The following CHRM2 variants were observed in gnomAD, a reference collection of about 807,000 sequenced individuals.
The protein encoded by CHRM2 is cholinergic receptor muscarinic 2, also known as muscarinic acetylcholine receptor M2.
CHRM2 carries 8 observed loss-of-function variants against 25.0 expected under a neutral mutation model. The observed-to-expected ratio is 0.32, with a 90% CI of 0.19 to 0.58. The LOEUF (loss-of-function observed/expected upper bound fraction) is 0.58. CHRM2 is among the 20% of genes least tolerant of loss of function. The probability of loss-of-function intolerance (pLI) is 0.88; values close to 1 mark genes in which losing one functional copy is unlikely to be tolerated. For missense variants in CHRM2, 440 were observed against 567.1 expected (o/e 0.78, Z 2.28); for synonymous variants, 202 against 205.7 (o/e 0.98, Z 0.15).
At chr7:137,007,722 G>A (rs2131096028) in intron 3 of CHRM2, among the ~76,000 whole-genome samples, 1 of 152,180 alleles carries the variant, frequency 6.6e-6, no homozygotes, top group African/African-American at 2.4e-5. Flanking sequence ...CCATCTGTAA[G>A]CAAAATTTAA....
At chr7:136,931,539 C>T (rs1799106106) in intron 2 of CHRM2, among the ~76,000 whole-genome samples, 2 of 152,178 alleles carry the variant, frequency 1.3e-5, no homozygotes, top group African/African-American at 4.8e-5. Context: ...CAGTTGACTG[C>T]AGATCACACA....
At chr7:136,967,221 T>C (rs565398506) in intron 2 of CHRM2, among the ~76,000 whole-genome samples, 104 of 152,118 alleles carry the variant, frequency 6.8e-4, no homozygotes, top group African/African-American at 2.4e-3. Flanking sequence ...TCAAACCTGA[T>C]TGAGCAATTT....
rs142083436 is a variant in CHRM2 at position 136,934,660 on chromosome 7, A to G, written c.-124-57527A>G. 1.3e-3 allele frequency among the ~76,000 whole-genome samples: 199 copies of G among 152,254 alleles called. 1 individual carries two copies. Among genetic ancestry groups the G allele is most frequent in the African/African-American group, 4.4e-3 (185 of 41,584 alleles). ...TTCTACCATTTTCCCAAAGCCCCCA[A>G]AAAAGATATTGGAAGGATAGGGTTT... On this transcript the variant is annotated intron_variant, in intron 2 of 3. Transcript: ENST00000680005.
chr7:136,922,099 T>A (rs1798479702), intron 2 of CHRM2, among the ~76,000 whole-genome samples: 1 of 152,154 alleles, frequency 6.6e-6, no homozygotes, highest in Admixed American at 6.5e-5. Flanking sequence ...TGCAAAGTCA[T>A]GCTCTCCAGC....
intron 2 of CHRM2, among the ~76,000 whole-genome samples, chr7:136,884,804 G>A (rs948897349): frequency 3.3e-5 from 5 of 152,072 alleles, no homozygotes; most frequent in Admixed American, 2.6e-4. Context: ...TCTCTTTAGG[G>A]GCTACTCAGT....
chr7:136,960,901 AG>A (rs1801030989), intron 2 of CHRM2, among the ~76,000 whole-genome samples: 1 of 152,174 alleles, frequency 6.6e-6, no homozygotes, highest in Non-Finnish European at 1.5e-5. Flanking sequence ...TGAGGTGGGC[AG>A]ACCACTTGAG....
intron 3 of CHRM2, among the ~76,000 whole-genome samples, chr7:137,008,348 G>A (rs527929412): frequency 2.6e-5 from 4 of 151,884 alleles, no homozygotes; most frequent in Non-Finnish European, 5.9e-5. Flanking sequence ...GTTTTCTTTA[G>A]TAATAATTTG....
intron 2 of CHRM2, among the ~76,000 whole-genome samples, chr7:136,908,591 C>T (rs940947539): frequency 1.3e-5 from 2 of 151,930 alleles, no homozygotes; most frequent in African/African-American, 4.8e-5. Flanking sequence ...CGAGCATTCT[C>T]ATACTCACTG....
intron 2 of CHRM2, among the ~76,000 whole-genome samples, chr7:136,971,872 T>G (rs1306214947): frequency 1.3e-5 from 2 of 152,178 alleles, no homozygotes; most frequent in Non-Finnish European, 2.9e-5. Flanking sequence ...TACTTATTCT[T>G]TCACCTTCAC....
At chr7:136,896,417 A>G (rs1260074440) in intron 2 of CHRM2, among the ~76,000 whole-genome samples, 1 of 152,134 alleles carries the variant, frequency 6.6e-6, no homozygotes, top group Non-Finnish European at 1.5e-5. Context: ...ATCTGGGGCG[A>G]CATTGTTTTC....
intron 2 of CHRM2, among the ~76,000 whole-genome samples, chr7:136,891,062 A>T (rs776807745): frequency 2.0e-5 from 3 of 152,214 alleles, no homozygotes; most frequent in Non-Finnish European, 4.4e-5. Flanking sequence ...ATAGTTTTAG[A>T]GTTACAGAAA....
chr7:136,994,881 C>T (rs1803488594), intron 3 of CHRM2, among the ~76,000 whole-genome samples: 1 of 151,974 alleles, frequency 6.6e-6, no homozygotes, highest in Non-Finnish European at 1.5e-5. Context: ...GATTTATATA[C>T]TGTATTCATT....
At chr7:136,984,494 A>G (rs1802710905) in intron 2 of CHRM2, among the ~76,000 whole-genome samples, 1 of 151,972 alleles carries the variant, frequency 6.6e-6, no homozygotes, top group Admixed American at 6.5e-5. Context: ...GTAAGAAAAA[A>G]AAAAACTTCT....
At chr7:136,889,523 T>C (rs1796609849) in intron 2 of CHRM2, among the ~76,000 whole-genome samples, 1 of 152,160 alleles carries the variant, frequency 6.6e-6, no homozygotes, top group Admixed American at 6.5e-5. Flanking sequence ...CAAATCAACT[T>C]TTCCAACTCA....
chr7:137,010,731 A>G (rs1211135531), intron 3 of CHRM2, among the ~76,000 whole-genome samples: 1 of 152,002 alleles, frequency 6.6e-6, no homozygotes, highest in Non-Finnish European at 1.5e-5. Flanking sequence ...CAGAGACTGT[A>G]ATAGCAACTA....
At chr7:136,983,859 G>A (rs185513120) in intron 2 of CHRM2, among the ~76,000 whole-genome samples, 101 of 152,306 alleles carry the variant, frequency 6.6e-4, no homozygotes, top group African/African-American at 2.3e-3. Flanking sequence ...TCTCCTGTAT[G>A]AGGTGTTTGT....
intron 2 of CHRM2, among the ~76,000 whole-genome samples, chr7:136,961,843 A>G (rs553138852): frequency 2.0e-5 from 3 of 152,206 alleles, no homozygotes; most frequent in Non-Finnish European, 2.9e-5. Context: ...CTGGTCATGG[A>G]TATGTGGAGA....
chr7:136,909,718 C>T (rs1036493388), intron 2 of CHRM2, among the ~76,000 whole-genome samples: 2 of 151,880 alleles, frequency 1.3e-5, no homozygotes, highest in Admixed American at 1.3e-4. Context: ...ATATGCAAAC[C>T]TACCTAACCA....
chr7:136,889,026 C>T (rs112061062), intron 2 of CHRM2, among the ~76,000 whole-genome samples: 21,085 of 125,064 alleles, frequency 0.17, 1,900 homozygotes, highest in East Asian at 0.43. Context: ...CCAGCCTGGG[C>T]GACAGAGCGA....
Sources: allele counts gnomAD v4.1 joint callset (sites outside exome capture counted in the v4.1 genomes callset), GRCh38; gene constraint gnomAD v4.1.1; transcripts MANE v1.5; gene names NCBI Gene and HGNC (gene_info 2026-07-23, HGNC 2026-07-21).